PPFIA2: variants seen among roughly 807,000 people sequenced by gnomAD.
PPFIA2 encodes liprin-alpha-2.
PPFIA2 carries 46 observed loss-of-function variants against 175.5 expected under a neutral mutation model. The observed-to-expected ratio is 0.26, with a 90% CI of 0.21 to 0.34. PPFIA2 has a LOEUF of 0.34. Among genes scored for constraint, PPFIA2 ranks in the 10% least tolerant of loss-of-function variants. The pLI is 1.00. For missense variants in PPFIA2, 1,179 were observed against 1,506.1 expected, an observed-to-expected ratio of 0.78 and a Z score of 3.60; for synonymous variants, 568 against 511.4, an observed-to-expected ratio of 1.11 and a Z score of -1.49.
At chr12:81,686,986 G>C (rs1366369020) in intron 3 of PPFIA2, among the ~76,000 whole-genome samples, 3 of 151,942 alleles carry the variant, frequency 2.0e-5, no homozygotes, top group African/African-American at 7.3e-5. Context: ...ACCACCACCA[G>C]CAGCAGCAGC....
rs144760067 is a variant in PPFIA2, at chr12:81,619,070, T to C, written c.303+57721A>G. Among the ~76,000 whole-genome samples the C allele has an allele frequency of 1.2e-4, 18 of 152,306 alleles. 1 individual carries two copies. The highest frequency in any genetic ancestry group is 4.3e-4 in the African/African-American group (18 of 41,572). On this transcript the variant is annotated intron_variant, in intron 4 of 32. Transcript: ENST00000549396. ...ATTGCTTGTGAAGATCACCACACTG[T>C]CTTTGGGTTAAATCATCATTCAGTA...
intron 4 of PPFIA2, among the ~76,000 whole-genome samples, chr12:81,507,046 G>C (rs2061251081): frequency 6.6e-6 from 1 of 152,116 alleles, no homozygotes; most frequent in African/African-American, 2.4e-5. Flanking sequence ...ACTATCTTAA[G>C]AGAATTGAGA....
At chr12:81,348,621 A>G (rs1317315750) in intron 17 of PPFIA2, among the ~76,000 whole-genome samples, 1 of 152,072 alleles carries the variant, frequency 6.6e-6, no homozygotes, top group East Asian at 1.9e-4. Context: ...CTGTAATCCC[A>G]GCTACTCGGG....
At chr12:81,683,971 G>A (rs1321228288) in intron 3 of PPFIA2, among the ~76,000 whole-genome samples, 1 of 151,994 alleles carries the variant, frequency 6.6e-6, no homozygotes, top group African/African-American at 2.4e-5. Context: ...AACTAATAAA[G>A]AGAGAACCCA....
intron 19 of PPFIA2, among the ~76,000 whole-genome samples, chr12:81,341,503 T>C (rs770368902): frequency 3.3e-4 from 50 of 152,190 alleles, no homozygotes; most frequent in South Asian, 8.3e-4. Flanking sequence ...GCTGGAAACA[T>C]ATAGCCCAAG....
chr12:81,643,329 T>TA, intron 4 of PPFIA2, among the ~76,000 whole-genome samples: 1 of 151,954 alleles, frequency 6.6e-6, no homozygotes, highest in Middle Eastern at 3.4e-3. Context: ...ACCACTAAAA[T>TA]ACTTTTGCAG....
At chr12:81,626,328 C>T (rs890535910) in intron 4 of PPFIA2, among the ~76,000 whole-genome samples, 1 of 151,852 alleles carries the variant, frequency 6.6e-6, no homozygotes, top group Non-Finnish European at 1.5e-5. Flanking sequence ...ATATTTTCTT[C>T]TAAAGTGGCC....
At chr12:81,436,372 C>T (rs968623809) in intron 7 of PPFIA2, among the ~76,000 whole-genome samples, 1 of 133,360 alleles carries the variant, frequency 7.5e-6, no homozygotes, top group South Asian at 2.6e-4. Flanking sequence ...CAGCTCCTTG[C>T]TCATTTAGTC....
intron 21 of PPFIA2, among the ~76,000 whole-genome samples, chr12:81,336,149 A>C (rs2057100098): frequency 6.6e-6 from 1 of 152,196 alleles, no homozygotes; most frequent in Admixed American, 6.6e-5. Flanking sequence ...GATATATAAA[A>C]ACTTGAAATC....
At chr12:81,613,521 T>C (rs910602771) in intron 4 of PPFIA2, among the ~76,000 whole-genome samples, 1 of 152,170 alleles carries the variant, frequency 6.6e-6, no homozygotes, top group Non-Finnish European at 1.5e-5. Context: ...ATTTAAATTA[T>C]CCACTTTATT....
At chr12:81,697,659 A>G (rs752031534) in intron 3 of PPFIA2, among the ~76,000 whole-genome samples, 7 of 152,160 alleles carry the variant, frequency 4.6e-5, no homozygotes, top group Non-Finnish European at 8.8e-5. Flanking sequence ...ATCAATCAGT[A>G]GAAAAACTTT....
intron 17 of PPFIA2, among the ~76,000 whole-genome samples, chr12:81,350,748 G>T (rs961796875): frequency 2.0e-5 from 3 of 152,100 alleles, no homozygotes; most frequent in African/African-American, 7.2e-5. Context: ...CTGTAGTTAG[G>T]TTGGTATATG....
At chr12:81,666,499 A>G (rs558721852) in intron 4 of PPFIA2, among the ~76,000 whole-genome samples, 1 of 152,302 alleles carries the variant, frequency 6.6e-6, no homozygotes, top group East Asian at 1.9e-4. Flanking sequence ...TTCTCAGCAA[A>G]CTATCACAAG....
At chr12:81,533,901 C>T (rs1034491386) in intron 4 of PPFIA2, among the ~76,000 whole-genome samples, 4 of 151,432 alleles carry the variant, frequency 2.6e-5, no homozygotes, top group African/African-American at 7.3e-5. Context: ...TAAATTATCA[C>T]TCCCTTGCTA....
At chr12:81,348,753 C>A (rs1566338242) in intron 17 of PPFIA2, among the ~76,000 whole-genome samples, 5 of 152,038 alleles carry the variant, frequency 3.3e-5, no homozygotes. Flanking sequence ...TTATTTATTA[C>A]AAAGGCACAA....
chr12:81,460,165 G>A (rs1053240250), intron 4 of PPFIA2, among the ~76,000 whole-genome samples: 18 of 152,150 alleles, frequency 1.2e-4, no homozygotes, highest in East Asian at 7.7e-4. Context: ...CAATCCCCAC[G>A]TGTCAAGGGC....
intron 3 of PPFIA2, among the ~76,000 whole-genome samples, chr12:81,741,966 G>A (rs1391129313): frequency 3.9e-5 from 6 of 152,108 alleles, no homozygotes; most frequent in African/African-American, 1.4e-4. Flanking sequence ...GTAAAGACCT[G>A]AAAAGGTAAA....
chr12:81,508,100 A>G (rs905873939), intron 4 of PPFIA2, among the ~76,000 whole-genome samples: 38 of 152,140 alleles, frequency 2.5e-4, no homozygotes, highest in Admixed American at 1.1e-3. Context: ...TGGGGCATTA[A>G]CTTTATTATA....
rs566153056 is a variant in PPFIA2 at position 81,392,659 on chromosome 12, A to G, written c.763-8415T>C. On this transcript the variant is annotated intron_variant, in intron 8 of 32. Transcript: ENST00000549396. ...TCCTAAAATTTTTATCTCTATTAAA[A>G]GTTTAAATCTTAACTTATATATTAT... Among the ~76,000 whole-genome samples the G allele has an allele frequency of 6.6e-5, 10 of 152,124 alleles. No homozygotes were observed. The South Asian group carries it at 2.1e-3, about 32-fold the overall frequency.
Sources: allele counts gnomAD v4.1 joint callset (sites outside exome capture counted in the v4.1 genomes callset), GRCh38; gene constraint gnomAD v4.1.1; transcripts MANE v1.5; gene names NCBI Gene and HGNC (gene_info 2026-07-23, HGNC 2026-07-21).